PTPN3: variants seen among roughly 807,000 people sequenced by gnomAD.
PTPN3 encodes protein tyrosine phosphatase non-receptor type 3.
Under a neutral mutation model 132.7 loss-of-function variants are expected in PTPN3, and 96 were observed. The observed-to-expected ratio is 0.72, with a 90% CI of 0.61 to 0.86. The LOEUF is 0.86. Among genes scored for constraint, PTPN3 ranks in the 40% least tolerant of loss-of-function variants. The pLI, the probability that PTPN3 is intolerant of heterozygous loss-of-function variation, is 0.00. For missense variants in PTPN3, 1,125 were observed against 1,159.6 expected, an observed-to-expected ratio of 0.97 and a Z score of 0.43; for synonymous variants, 398 against 429.0, an observed-to-expected ratio of 0.93 and a Z score of 0.89.
At chr9:109,447,999 A>G (rs1397456261) in intron 6 of PTPN3, among the ~76,000 whole-genome samples, 1 of 151,974 alleles carries the variant, frequency 6.6e-6, no homozygotes, top group Non-Finnish European at 1.5e-5. Flanking sequence ...TCTCTACCCA[A>G]CCCAATTCTG....
chr9:109,458,345 A>G (rs1333183491), intron 2 of PTPN3, among the ~76,000 whole-genome samples: 1 of 152,260 alleles, frequency 6.6e-6, no homozygotes, highest in Non-Finnish European at 1.5e-5. Flanking sequence ...ACAAAGGCCC[A>G]GGGATGGCAA....
At chr9:109,492,826 T>C (rs1210149175) in intron 1 of PTPN3, among the ~76,000 whole-genome samples, 5 of 152,200 alleles carry the variant, frequency 3.3e-5, no homozygotes, top group African/African-American at 1.2e-4. Context: ...TAAGACTAGT[T>C]TTATCTGCTA....
At chr9:109,407,698 C>T (rs1841682297) in intron 17 of PTPN3, among the ~76,000 whole-genome samples, 1 of 152,102 alleles carries the variant, frequency 6.6e-6, no homozygotes, top group Non-Finnish European at 1.5e-5. Context: ...CTGTGTGCCA[C>T]CACACCCAGA....
chr9:109,401,608 T>C (rs1841111688), intron 19 of PTPN3, among the ~76,000 whole-genome samples: 1 of 152,222 alleles, frequency 6.6e-6, no homozygotes, highest in Non-Finnish European at 1.5e-5. Flanking sequence ...CACCAGCCTT[T>C]GGCTTTTCCT....
the PTPN3 span, among the ~76,000 whole-genome samples, chr9:109,508,761 G>T: frequency 6.6e-6 from 1 of 152,186 alleles, no homozygotes; most frequent in Non-Finnish European, 1.5e-5. Flanking sequence ...GATGTGTCCA[G>T]CAGTGTCCCA....
the PTPN3 span, among the ~76,000 whole-genome samples, chr9:109,537,967 T>A: frequency 0.33 from 50,505 of 152,114 alleles, 9,092 homozygotes; most frequent in Middle Eastern, 0.45. Flanking sequence ...AACCACAAAC[T>A]TTATTCATAT....
Position 109,388,493 on chromosome 9 carries a change from C to T in PTPN3, c.2253+740G>A, listed in dbSNP as rs1165325056. Among the ~76,000 whole-genome samples, 6 of 152,204 alleles carry T rather than the reference C, an allele frequency of 3.9e-5. No individual in the cohort carries two copies. In the South Asian group the frequency reaches 6.2e-4, roughly 16 times the overall value. The stretch of plus-strand genomic sequence containing the variant: ...CAAACCCTCCAGGTCACAATGGAGA[C>T]CTCAAATGAGCTCAGGTGCAGAGTG... On this transcript the variant is annotated intron_variant, in intron 22 of 25. Coordinates refer to ENST00000374541, the MANE Select transcript of PTPN3 (RefSeq NM_002829.4).
intron 1 of PTPN3, among the ~76,000 whole-genome samples, chr9:109,465,184 T>A (rs539855241): frequency 5.3e-4 from 80 of 152,296 alleles, no homozygotes; most frequent in African/African-American, 1.9e-3. Context: ...GTTTAACCGG[T>A]GATTTCAATG....
At chr9:109,418,534 A>C (rs1842683548) in intron 14 of PTPN3, among the ~76,000 whole-genome samples, 1 of 152,248 alleles carries the variant, frequency 6.6e-6, no homozygotes, top group African/African-American at 2.4e-5. Context: ...TTCTGTGTGA[A>C]AAATGCACTT....
At position 109,493,659 on chromosome 9, in the gene PTPN3, T is replaced by C. The variant is rs1847556324; in HGVS notation, c.-18+4560A>G. Among the ~76,000 whole-genome samples the C allele has an allele frequency of 1.3e-5, 2 of 152,198 alleles. 1 individual carries two copies. Among genetic ancestry groups the C allele is most frequent in the Non-Finnish European group, 2.9e-5 (2 of 68,042 alleles). On this transcript the variant is annotated intron_variant, in intron 1 of 25. Transcript: ENST00000374541. ...AAGCAGTGGCACACACATTCTTTTTTCACACTACAGATCCCGTTCTTTGGT... is the reference window on the plus strand; with the variant it reads ...AAGCAGTGGCACACACATTCTTTTTCCACACTACAGATCCCGTTCTTTGGT...
chr9:109,420,482 A>G lies in PTPN3; in HGVS notation c.1255T>C (p.Ser419Pro). 6.2e-7 allele frequency: 1 copy of G among 1,612,984 alleles called. No homozygotes were observed. Among genetic ancestry groups the G allele is most frequent in the Non-Finnish European group, 8.5e-7 (1 of 1,179,284 alleles). The change falls in exon 14 of 26, where the codon TCT becomes CCT. Residue 419 changes from serine (S) to proline (P), a missense_variant. By Grantham distance (74) the Ser-to-Pro change is moderately conservative. Coordinates refer to ENST00000374541, the MANE Select transcript of PTPN3 (RefSeq NM_002829.4). Reference protein sequence around the residue: ...TEDVFYTYKGSLAPQDSDSEV... With the variant: ...TEDVFYTYKGPLAPQDSDSEV... ...GAATCGCTGTCTTGAGGGGCCAGAG[A>G]GCCCTTGTACGTGTAAAATACATCT... is the stretch of plus-strand genomic sequence containing the variant.
chr9:109,432,731 C>T (rs186524234), intron 10 of PTPN3, among the ~76,000 whole-genome samples: 268 of 152,252 alleles, frequency 1.8e-3, no homozygotes, highest in Non-Finnish European at 2.8e-3. Context: ...AGAAATGAAA[C>T]GATGGTTCCT....
chr9:109,470,721 T>G (rs1011252610), intron 1 of PTPN3, among the ~76,000 whole-genome samples: 1 of 151,254 alleles, frequency 6.6e-6, no homozygotes, highest in Non-Finnish European at 1.5e-5. Context: ...TTACAAACAC[T>G]TGGGTGGGGA....
chr9:109,398,393 A>G (rs924972427), intron 19 of PTPN3, among the ~76,000 whole-genome samples: 4 of 152,254 alleles, frequency 2.6e-5, no homozygotes, highest in Admixed American at 2.6e-4. Flanking sequence ...TGCACCTTTT[A>G]TAATTATCAC....
intron 7 of PTPN3, among the ~76,000 whole-genome samples, chr9:109,442,218 T>C (rs922999191): frequency 1.4e-4 from 22 of 152,048 alleles, no homozygotes; most frequent in African/African-American, 4.8e-4. Flanking sequence ...TGGCTAATTT[T>C]TGTATATTTT....
At chr9:109,432,665 T>C (rs561358686) in intron 10 of PTPN3, among the ~76,000 whole-genome samples, 1 of 152,274 alleles carries the variant, frequency 6.6e-6, no homozygotes, top group East Asian at 1.9e-4. Context: ...TGGGTCCCTT[T>C]AGAGTTTAGA....
At chr9:109,415,587 C>T (rs988580303) in intron 14 of PTPN3, among the ~76,000 whole-genome samples, 3 of 152,060 alleles carry the variant, frequency 2.0e-5, no homozygotes, top group Admixed American at 6.5e-5. Flanking sequence ...GGAGGTGACA[C>T]CAAAGACAGG....
At chr9:109,466,131 A>G (rs191400187) in intron 1 of PTPN3, among the ~76,000 whole-genome samples, 12 of 152,294 alleles carry the variant, frequency 7.9e-5, no homozygotes, top group African/African-American at 2.9e-4. Flanking sequence ...AAGCCCCACA[A>G]GGCTAGGTCT....
intron 1 of PTPN3, among the ~76,000 whole-genome samples, chr9:109,469,606 G>A (rs566393611): frequency 4.4e-4 from 67 of 152,266 alleles, no homozygotes; most frequent in Admixed American, 1.5e-3. Flanking sequence ...GCGACAGAGT[G>A]AGACTCTTAT....
Sources: gnomAD v4.1 joint callset for allele counts (sites outside exome capture counted in the v4.1 genomes callset) on GRCh38, gnomAD v4.1.1 for gene constraint, MANE v1.5 for transcripts, NCBI Gene and HGNC (gene_info 2026-07-23, HGNC 2026-07-21) for gene names.